HOXC4: variants seen among roughly 807,000 people sequenced by gnomAD.
HOXC4 encodes the protein homeobox protein Hox-C4.
HOXC4 carries 15 observed loss-of-function variants against 25.5 expected under a neutral mutation model. That is an observed-to-expected ratio of 0.59 (90% CI 0.39 to 0.91). The LOEUF (loss-of-function observed/expected upper bound fraction) is 0.91. HOXC4 is among the 40% of genes least tolerant of loss of function. HOXC4 has a pLI of 0.00. For synonymous variants in HOXC4, 165 were observed against 148.0 expected (o/e 1.11, Z -0.83); for missense variants, 342 against 352.4 (o/e 0.97, Z 0.24).
upstream of HOXC4, among the ~76,000 whole-genome samples, chr12:54,053,701 C>T (rs569393711): frequency 1.7e-4 from 26 of 152,226 alleles, no homozygotes; most frequent in African/African-American, 6.0e-4. Flanking sequence ...CATCACCACC[C>T]ACCCCCGCCT....
intron 1 of HOXC4, chr12:54,034,329 A>G (rs766775163): frequency 6.2e-6 from 10 of 1,614,152 alleles, no homozygotes; most frequent in Non-Finnish European, 8.5e-6. Context: ...CAGACTCTGG[A>G]ACTCGAGAAA....
intron 1 of HOXC4, among the ~76,000 whole-genome samples, chr12:54,038,335 GCAA>G (rs919701998): frequency 5.9e-5 from 9 of 152,226 alleles, no homozygotes; most frequent in African/African-American, 2.2e-4. Flanking sequence ...GCAAGCGGCA[GCAA>G]CAAGGGTGTT....
Position 54,041,979 on chromosome 12 carries a change from T to TTTC in HOXC4, c.-123-11179_-123-11178insCTT, listed in dbSNP as rs1364625701. 5.7e-3 allele frequency among the ~76,000 whole-genome samples: 789 copies of TTTC among 137,520 alleles called. 4 individuals carry two copies. The highest frequency in any genetic ancestry group is 0.022 in the African/African-American group (756 of 34,706). 90.2% of individuals were successfully genotyped at this position (137,520 alleles called of 152,430 possible). On this transcript the variant is annotated intron_variant, in intron 1 of 3. Coordinates refer to the HOXC4 transcript ENST00000303406. ...CGCCCAGCCTTTTCTTTTCTTTTCT[T>TTTC]TTTTTTTTTTTTTTTTGAGATGGAG...
At chr12:54,034,286 G>GTCC in intron 1 of HOXC4, 1 of 1,613,484 alleles carries the variant, frequency 6.2e-7, no homozygotes, top group South Asian at 1.1e-5. Context: ...AGAGACGGAC[G>GTCC]GCAAGCGGTC....
chr12:54,040,352 C>T (rs1335960722), intron 1 of HOXC4, among the ~76,000 whole-genome samples: 1 of 152,214 alleles, frequency 6.6e-6, no homozygotes, highest in Non-Finnish European at 1.5e-5. Flanking sequence ...CTCTGTCTCG[C>T]TCTTCCCATC....
rs938891912 is a variant in HOXC4 at position 54,032,930 on chromosome 12, TTA to T, written c.-124+15518_-124+15519del. 3.8e-5 allele frequency: 21 copies of T among 548,478 alleles called. No homozygotes were observed. The Admixed American group carries it at 5.8e-4, about 15-fold the overall frequency. 34.0% of individuals were successfully genotyped at this position (548,478 alleles called of 1,614,324 possible). A position where few individuals can be genotyped will look rare whatever the true frequency, so the allele number is the denominator to read the frequency against. ...CCTCCCGGAGGTCATCAAGCCAAATTTATGAGTGGCCGCTCGAGTCACGTGAC... is the reference window on the plus strand; with the variant it reads ...CCTCCCGGAGGTCATCAAGCCAAATTTGAGTGGCCGCTCGAGTCACGTGAC... On this transcript the variant is annotated intron_variant, in intron 1 of 3. Coordinates refer to the HOXC4 transcript ENST00000303406.
chr12:54,021,571 G>A (rs1229801373), intron 1 of HOXC4: 2 of 152,228 alleles, frequency 1.3e-5, no homozygotes, highest in East Asian at 1.9e-4. Context: ...GGGGTTTTCC[G>A]CTACTCTCTC....
chr12:54,052,569 T>TGGG (rs760468397), upstream of HOXC4, among the ~76,000 whole-genome samples: 366 of 126,012 alleles, frequency 2.9e-3, 2 homozygotes, highest in Middle Eastern at 0.016. Context: ...CACCCCTAGC[T>TGGG]GGGGGGGGGG....
At chr12:54,025,676 C>T (rs760012292) in intron 1 of HOXC4, among the ~76,000 whole-genome samples, 17 of 152,240 alleles carry the variant, frequency 1.1e-4, no homozygotes, top group Non-Finnish European at 2.2e-4. Flanking sequence ...TATAAATCGG[C>T]GAGACCTTTC....
upstream of HOXC4, chr12:54,053,387 C>A: frequency 6.4e-6 from 1 of 155,806 alleles, no homozygotes; most frequent in Non-Finnish European, 1.4e-5. Flanking sequence ...CCAACATCCA[C>A]TCCAGTCCTC....
chr12:54,022,839 T>C (rs1940509884), intron 1 of HOXC4, among the ~76,000 whole-genome samples: 1 of 152,136 alleles, frequency 6.6e-6, no homozygotes. Flanking sequence ...CATGAACCTC[T>C]CAAATGGGTC....
chr12:54,049,211 A>T (rs973563580), upstream of HOXC4, among the ~76,000 whole-genome samples: 4 of 152,192 alleles, frequency 2.6e-5, no homozygotes, highest in Non-Finnish European at 5.9e-5. Context: ...CTTCCACATT[A>T]TAACTAGTTA....
rs564931749 is a variant in HOXC4, at chr12:54,023,780, C to T, written c.-124+6366C>T. 2.6e-5 allele frequency among the ~76,000 whole-genome samples: 4 copies of T among 152,192 alleles called. No homozygotes were observed. The South Asian group carries it at 8.3e-4, about 32-fold the overall frequency. On this transcript the variant is annotated intron_variant, in intron 1 of 3. Coordinates refer to the HOXC4 transcript ENST00000303406. ...AGGAGGAGTGTACCTTTTTGGAATG[C>T]GGTGTGTGTAGCGGGGGCAGGTATG...
intron 1 of HOXC4, among the ~76,000 whole-genome samples, chr12:54,026,939 C>T (rs374395964): frequency 7.1e-6 from 1 of 141,674 alleles, no homozygotes; most frequent in African/African-American, 2.7e-5. Flanking sequence ...CCAGCTTTCC[C>T]CCCCCCCAAC....
chr12:54,036,986 C>T (rs1941196234), intron 1 of HOXC4, among the ~76,000 whole-genome samples: 2 of 152,210 alleles, frequency 1.3e-5, no homozygotes, highest in South Asian at 4.1e-4. Context: ...ACCAGCCCCA[C>T]CGTGCACTGA....
chr12:54,049,544 C>CTTTT (rs11418872), upstream of HOXC4, among the ~76,000 whole-genome samples: 36 of 146,950 alleles, frequency 2.4e-4, no homozygotes, highest in African/African-American at 8.2e-4. Context: ...TCCATGATTG[C>CTTTT]TTTTTTTTTT....
chr12:54,030,265 T>A (rs1216318957), intron 1 of HOXC4: 1 of 220,442 alleles, frequency 4.5e-6, no homozygotes, highest in East Asian at 8.9e-5. Context: ...CTCTACAGAT[T>A]GCCCTCCAAG....
At position 54,047,163 on chromosome 12, in the gene HOXC4, T is replaced by A. The variant is rs77876615; in HGVS notation, c.-123-5997T>A. 9.1e-3 allele frequency among the ~76,000 whole-genome samples: 1,390 copies of A among 152,356 alleles called. 18 individuals are homozygous for A. Among genetic ancestry groups the A allele is most frequent in the African/African-American group, 0.032 (1,327 of 41,580 alleles). ...GCCAGGCGTCGCGCTTCCTCCGGGC[T>A]TAATCCAGACCTTTCAACACACACC... On this transcript the variant is annotated intron_variant, in intron 1 of 3. Coordinates refer to the HOXC4 transcript ENST00000303406.
chr12:54,018,407 TAG>T (rs1940264905), intron 1 of HOXC4, among the ~76,000 whole-genome samples: 1 of 152,126 alleles, frequency 6.6e-6, no homozygotes, highest in African/African-American at 2.4e-5. Context: ...GTCCTCCTGG[TAG>T]AGTCTCCTAG....
Sources: allele counts gnomAD v4.1 joint callset (sites outside exome capture counted in the v4.1 genomes callset), GRCh38; gene constraint gnomAD v4.1.1; transcripts MANE v1.5; gene names NCBI Gene and HGNC (gene_info 2026-07-23, HGNC 2026-07-21).